Variants in KANK2 observed in about 807,000 individuals in gnomAD.
KANK2 encodes KN motif and ankyrin repeat domain-containing protein 2.
KANK2 carries 41 observed loss-of-function variants against 74.6 expected under a neutral mutation model. The observed-to-expected ratio is 0.55, with a 90% CI of 0.43 to 0.71. The LOEUF is 0.71. Ranked by LOEUF, KANK2 falls within the 30% of genes least tolerant of loss-of-function variation. The pLI, the probability that KANK2 is intolerant of heterozygous loss-of-function variation, is 0.00. For missense variants in KANK2, 1,148 were observed against 1,196.4 expected (o/e 0.96, Z 0.60); for synonymous variants, 537 against 519.0 (o/e 1.03, Z -0.47).
rs368961143 is a variant in KANK2, at chr19:11,192,792, C to CT, written c.1249+38_1249+39insA. The CT allele has an allele frequency of 8.3e-5, 131 of 1,578,740 alleles. No homozygotes were observed. The East Asian group carries it at 2.8e-3, about 34-fold the overall frequency. Reference sequence around the variant, plus strand: ...CCATGGGAAGAAAGAGGCCCCCCCCCCCCAAGCCATTCTCCCCTGCCTGCC... The same window carrying CT: ...CCATGGGAAGAAAGAGGCCCCCCCCCTCCCAAGCCATTCTCCCCTGCCTGCC... On this transcript the variant is annotated intron_variant, in intron 4 of 12. Transcript: ENST00000586659.
rs375742092 is a variant in KANK2, at chr19:11,178,411, C to T, written c.1454G>A (p.Arg485Gln). 3.4e-4 allele frequency: 541 copies of T among 1,580,692 alleles called. No individual in the cohort carries two copies. Among genetic ancestry groups the T allele is most frequent in the Non-Finnish European group, 4.2e-4 (496 of 1,168,420 alleles). The change falls in exon 6 of 13, where the codon CGG (arginine) becomes CAG (glutamine). Residue 485 changes from arginine (R) to glutamine (Q), a missense_variant. Transcript: ENST00000586659. ...CGTGGGGTCTGCAACCTCCTCTTTC[C>T]GTTTCATGATAGATCGCACGCCTGC... The part of the protein sequence containing the change: ...PPAGVRSIMK[R>Q]KEEVADPTAH...
intron 8 of KANK2, 133 bp downstream of exon 8, chr19:11,175,769 C>A (rs1213159526): frequency 3.3e-6 from 2 of 601,384 alleles, no homozygotes; most frequent in East Asian, 5.7e-5. Flanking sequence ...CCACCACCCC[C>A]ATGCTCTGGG....
At chr19:11,178,313 A>C in intron 6 of KANK2, 32 bp downstream of exon 6, 9 of 600,634 alleles carry the variant, frequency 1.5e-5, no homozygotes, top group Non-Finnish European at 2.1e-5. Context: ...GGCGGGAAGT[A>C]TGGGGTGGGG....
In KANK2 at chr19:11,165,072, A is replaced by G. The variant is rs374533924; in HGVS notation, c.*1486T>C. 2 of 152,280 alleles carry G rather than the reference A, an allele frequency of 1.3e-5. No homozygotes were observed. The highest frequency in any genetic ancestry group is 3.9e-4 in the East Asian group (2 of 5,180). The allele number at this position is 152,280 out of a possible 1,614,324, so 9.4% of individuals were successfully genotyped here. A position where few individuals can be genotyped will look rare whatever the true frequency, so the allele number is the denominator to read the frequency against. On this transcript the variant is annotated 3_prime_UTR_variant, in exon 13 of 13. Coordinates refer to ENST00000586659, the MANE Select transcript of KANK2 (RefSeq NM_001136191.3). Reference sequence around the variant, plus strand: ...TTCCCTTTCTGTTGCTCACCAAGGAAAAGGCACAAGAAAGACAATGATGTG... The same window carrying G: ...TTCCCTTTCTGTTGCTCACCAAGGAGAAGGCACAAGAAAGACAATGATGTG...
At chr19:11,192,764 GAGCC>G (rs751455421) in intron 4 of KANK2, 63 bp downstream of exon 4, 2 of 1,568,626 alleles carry the variant, frequency 1.3e-6, no homozygotes, top group Non-Finnish European at 1.7e-6. Context: ...AGTCCAGGAT[GAGCC>G]ATGGGAAGAA....
At chr19:11,171,134 C>T (rs776290030) in intron 10 of KANK2, among the ~76,000 whole-genome samples, 2 of 152,184 alleles carry the variant, frequency 1.3e-5, no homozygotes, top group Non-Finnish European at 2.9e-5. Flanking sequence ...CTGTGGCTTA[C>T]GCCTGTAATC....
At position 11,178,715 on chromosome 19, in the gene KANK2, G is replaced by T. The variant is rs2078426063; in HGVS notation, c.1255C>A (p.Pro419Thr). The T allele has an allele frequency of 6.5e-7, 1 of 1,528,012 alleles. No homozygotes were observed. The highest frequency in any genetic ancestry group is 2.5e-5 in the East Asian group (1 of 40,132). The allele number at this position is 1,528,012 out of a possible 1,614,324, so 94.7% of individuals were successfully genotyped here. A position where few individuals can be genotyped will look rare whatever the true frequency, so the allele number is the denominator to read the frequency against. ...GAAGACGATTCGGCAGGAACTTCTGGGAGGCCTGGAGGGACAGGAAATGAG... is the reference window on the plus strand; with the variant it reads ...GAAGACGATTCGGCAGGAACTTCTGTGAGGCCTGGAGGGACAGGAAATGAG... ...ERSCDGAAGL[P>T]EVPAESSSSP... is the part of the protein sequence containing the mutation. The change falls in exon 5 of 13, where the codon CCA (proline) becomes ACA (threonine). Residue 419 changes from proline (P) to threonine (T), a missense_variant. Pro to Thr is a conservative substitution (Grantham distance 38). Coordinates refer to ENST00000586659, the MANE Select transcript of KANK2 (RefSeq NM_001136191.3).
In KANK2 at chr19:11,173,193, C is replaced by T. The variant is rs73504667; in HGVS notation, c.2069-70G>A. The T allele has an allele frequency of 0.022, 33,323 of 1,523,914 alleles. 3,940 individuals are homozygous for T. The African/African-American group carries it at 0.31, about 14-fold the overall frequency. The allele number at this position is 1,523,914 out of a possible 1,614,324, so 94.4% of individuals were successfully genotyped here. The stretch of plus-strand genomic sequence containing the variant: ...TGGACTGCCCCAAGGAACGTGGATA[C>T]CACGTCTCGTCCATCAGTCTAGGCA... On this transcript the variant is annotated intron_variant, in intron 9 of 12. Coordinates refer to ENST00000586659, the MANE Select transcript of KANK2 (RefSeq NM_001136191.3).
chr19:11,166,748 C>A, intron 12 of KANK2, 137 bp from the exon 13 acceptor site: 1 of 735,828 alleles, frequency 1.4e-6, no homozygotes, highest in South Asian at 1.6e-5. Flanking sequence ...AGGTGGCGAT[C>A]TGGGGGCACC....
rs1442755780 is a variant in KANK2 at position 11,164,618 on chromosome 19, G to A, written c.*1940C>T. On this transcript the variant is annotated 3_prime_UTR_variant, in exon 13 of 13. Coordinates refer to ENST00000586659, the MANE Select transcript of KANK2 (RefSeq NM_001136191.3). Reference sequence around the variant, plus strand: ...GCTTCTCAAAGCTGCCCAAAGCTGCGACCTTCCCCCTCAGACACCCACAAT... The same window carrying A: ...GCTTCTCAAAGCTGCCCAAAGCTGCAACCTTCCCCCTCAGACACCCACAAT... The A allele has an allele frequency of 3.9e-5, 6 of 152,216 alleles. No individual in the cohort carries two copies. 9.4% of individuals were successfully genotyped at this position (152,216 alleles called of 1,614,324 possible).
chr19:11,193,042 G>T lies in KANK2; in HGVS notation c.1038C>A (p.Ala346=), dbSNP rs118109949. The T allele has an allele frequency of 1.2e-6, 2 of 1,611,512 alleles. No homozygotes were observed. Among genetic ancestry groups the T allele is most frequent in the Non-Finnish European group, 1.7e-6 (2 of 1,179,018 alleles). ...PREVEVVAST[A]AGAPAQRAQS... ...GGGCCCGCTGTGCGGGGGCGCCAGC[G>T]GCTGTGCTGGCCACCACCTCCACCT... is the stretch of plus-strand genomic sequence containing the variant. The change falls in exon 4 of 13, where the codon GCC becomes GCA. Residue 346 remains alanine (A), a synonymous_variant. Coordinates refer to ENST00000586659, the MANE Select transcript of KANK2 (RefSeq NM_001136191.3). This position sits in a 1 kb window ranked among gnomAD's most constrained non-coding sequence, Gnocchi z 9.6.
Position 11,193,595 on chromosome 19 carries a change from A to C in KANK2, c.485T>G (p.Val162Gly), listed in dbSNP as rs1213928149. 3 of 1,585,002 alleles carry C rather than the reference A, an allele frequency of 1.9e-6. No homozygotes were observed. The highest frequency in any genetic ancestry group is 2.6e-6 in the Non-Finnish European group (3 of 1,167,164). Reference sequence around the variant, plus strand: ...CCGTGGTGTCGGGGGTGGCAACCCCACGCCCACCAGGGAGGCTGTCGAGCC... The same window carrying C: ...CCGTGGTGTCGGGGGTGGCAACCCCCCGCCCACCAGGGAGGCTGTCGAGCC... ...AAGSTASLVG[V>G]GLPPPTPRSS... The change falls in exon 4 of 13, where the codon GTG becomes GGG. Residue 162 changes from valine to glycine, a missense_variant. Transcript: ENST00000586659. The surrounding 1 kb of genome is among the most constrained non-coding windows in gnomAD (Gnocchi z 9.6).
chr19:11,188,839 C>T (rs919479772), intron 4 of KANK2, among the ~76,000 whole-genome samples: 3 of 151,856 alleles, frequency 2.0e-5, no homozygotes, highest in South Asian at 2.1e-4. Flanking sequence ...AGAAAATTAG[C>T]TGGGTGTGGT....
rs2078916790 is a variant in KANK2, at chr19:11,193,433, A to T, written c.647T>A (p.Leu216His). Reference sequence around the variant, plus strand: ...CCGCTTTTCCTCCTGGAGCACCGAGAGCTTCACCTGGAGCACAGGGATCAG... The same window carrying T: ...CCGCTTTTCCTCCTGGAGCACCGAGTGCTTCACCTGGAGCACAGGGATCAG... ...VKLIPVLQVKLSVLQEEKRQL... is the reference protein window; with the variant it reads ...VKLIPVLQVKHSVLQEEKRQL... The change falls in exon 4 of 13, where the codon CTC becomes CAC. Residue 216 changes from leucine to histidine, a missense_variant. Coordinates refer to ENST00000586659, the MANE Select transcript of KANK2 (RefSeq NM_001136191.3). The surrounding 1 kb of genome is among the most constrained non-coding windows in gnomAD (Gnocchi z 9.6). The T allele has an allele frequency of 6.2e-7, 1 of 1,612,306 alleles. No individual in the cohort carries two copies. The highest frequency in any genetic ancestry group is 8.5e-7 in the Non-Finnish European group (1 of 1,179,924).
rs2079001879 is a variant in KANK2 at position 11,195,789 on chromosome 19, GTC to G, written c.-249_-248del. ...CGTGTCTCTCTCCCTGTCTTTCCAC[GTC>G]TCTGTCTTCGCTTCTCTGTCTTTCA... On this transcript the variant is annotated 5_prime_UTR_variant, in exon 2 of 13. Transcript: ENST00000586659. 6.6e-6 allele frequency: 1 copy of G among 152,230 alleles called. No individual in the cohort carries two copies. Among genetic ancestry groups the G allele is most frequent in the East Asian group, 1.9e-4 (1 of 5,168 alleles). 9.4% of individuals were successfully genotyped at this position (152,230 alleles called of 1,614,324 possible).
At chr19:11,168,147 C>T (rs2078076165) in intron 12 of KANK2, among the ~76,000 whole-genome samples, 1 of 151,492 alleles carries the variant, frequency 6.6e-6, no homozygotes, top group Non-Finnish European at 1.5e-5. Context: ...AGATTAAAGG[C>T]ATGCGCCACC....
chr19:11,172,420 TC>T (rs2078204076), intron 10 of KANK2, among the ~76,000 whole-genome samples: 1 of 152,192 alleles, frequency 6.6e-6, no homozygotes, highest in Admixed American at 6.5e-5. Flanking sequence ...CTGTTGACGA[TC>T]CCTCTCCTCC....
intron 4 of KANK2, among the ~76,000 whole-genome samples, chr19:11,190,477 T>G (rs1003979138): frequency 1.3e-5 from 2 of 152,088 alleles, no homozygotes; most frequent in Non-Finnish European, 2.9e-5. Flanking sequence ...GACAAATGAA[T>G]CTCCTCCCTA....
At chr19:11,181,871 C>T (rs572273962) in intron 4 of KANK2, among the ~76,000 whole-genome samples, 2 of 150,988 alleles carry the variant, frequency 1.3e-5, no homozygotes, top group Non-Finnish European at 2.9e-5. Flanking sequence ...TGCAAATGTA[C>T]TTAATGCCAC....
Sources: gnomAD v4.1 joint callset for allele counts (sites outside exome capture counted in the v4.1 genomes callset) on GRCh38, gnomAD v4.1.1 for gene constraint, Gnocchi (gnomAD v3.1) non-coding constraint, MANE v1.5 for transcripts, NCBI Gene and HGNC (gene_info 2026-07-23, HGNC 2026-07-21) for gene names.